The following WDR7 variants were observed in gnomAD, a reference collection of about 807,000 sequenced individuals.
WDR7 encodes WD repeat domain 7.
Under a neutral mutation model 169.4 loss-of-function variants are expected in WDR7, and 46 were observed. The observed-to-expected ratio is 0.27, with a 90% CI of 0.21 to 0.35. The LOEUF is 0.35. Ranked by LOEUF, WDR7 falls within the 10% of genes least tolerant of loss-of-function variation. The probability of loss-of-function intolerance (pLI) is 1.00; values close to 1 mark genes in which losing one functional copy is unlikely to be tolerated. For missense variants in WDR7, 1,534 were observed against 1,859.3 expected (o/e 0.83, Z 3.22); for synonymous variants, 612 against 666.8 (o/e 0.92, Z 1.27).
intron 14 of WDR7, among the ~76,000 whole-genome samples, chr18:56,732,446 T>G (rs921328500): frequency 1.1e-4 from 16 of 152,192 alleles, no homozygotes; most frequent in African/African-American, 3.9e-4. Flanking sequence ...TTCATTTTTT[T>G]AAATGGTTAG....
chr18:56,943,538 TG>T (rs2047060992), intron 25 of WDR7, among the ~76,000 whole-genome samples: 1 of 152,166 alleles, frequency 6.6e-6, no homozygotes, highest in South Asian at 2.1e-4. Context: ...GCTTATGATT[TG>T]GGTATTCACA....
chr18:56,904,195 G>A (rs957268909), intron 21 of WDR7, among the ~76,000 whole-genome samples: 2 of 151,650 alleles, frequency 1.3e-5, no homozygotes, highest in Non-Finnish European at 2.9e-5. Context: ...TCAGCCTCCC[G>A]AGTAGCTGGG....
chr18:56,668,530 T>C (rs1425016993), intron 1 of WDR7, among the ~76,000 whole-genome samples: 1 of 152,206 alleles, frequency 6.6e-6, no homozygotes, highest in Admixed American at 6.5e-5. Context: ...TTGTGTCTAT[T>C]TTATTTATTA....
chr18:56,714,177 A>G (rs1473552881), intron 12 of WDR7, among the ~76,000 whole-genome samples: 2 of 152,196 alleles, frequency 1.3e-5, no homozygotes, highest in Admixed American at 1.3e-4. Context: ...TTTTCTTTAT[A>G]TGAGTTGGAC....
intron 7 of WDR7, among the ~76,000 whole-genome samples, chr18:56,687,679 T>C (rs1375617613): frequency 1.3e-5 from 2 of 152,132 alleles, no homozygotes; most frequent in African/African-American, 4.8e-5. Flanking sequence ...CAGGCTGGAG[T>C]GCAATGGCAC....
At chr18:56,674,983 A>G (rs2144536551) in intron 2 of WDR7, among the ~76,000 whole-genome samples, 1 of 152,256 alleles carries the variant, frequency 6.6e-6, no homozygotes, top group South Asian at 2.1e-4. Context: ...TTGACCATAA[A>G]TGTCATGGGT....
At chr18:56,963,333 T>G (rs2047362084) in intron 26 of WDR7, among the ~76,000 whole-genome samples, 1 of 152,220 alleles carries the variant, frequency 6.6e-6, no homozygotes, top group Admixed American at 6.5e-5. Flanking sequence ...TTTATTAATG[T>G]GGATATATTC....
At chr18:56,691,861 A>G in intron 9 of WDR7, 44 bp downstream of exon 9, 1 of 1,471,428 alleles carries the variant, frequency 6.8e-7, no homozygotes, top group Middle Eastern at 2.3e-4. Context: ...GTTACATTGA[A>G]AAACTTCTAC....
At chr18:56,700,704 G>A (rs1309254414) in intron 12 of WDR7, among the ~76,000 whole-genome samples, 1 of 149,942 alleles carries the variant, frequency 6.7e-6, no homozygotes, top group Non-Finnish European at 1.5e-5. Flanking sequence ...CGAGTAGCTG[G>A]GACTACAGGC....
At chr18:56,945,147 T>C (rs2047086304) in intron 25 of WDR7, among the ~76,000 whole-genome samples, 1 of 151,998 alleles carries the variant, frequency 6.6e-6, no homozygotes, top group South Asian at 2.1e-4. Context: ...AATGTAAAAA[T>C]AGTGAGGAAA....
intron 14 of WDR7, among the ~76,000 whole-genome samples, chr18:56,743,447 C>T (rs2043649889): frequency 6.6e-6 from 1 of 152,008 alleles, no homozygotes; most frequent in South Asian, 2.1e-4. Flanking sequence ...GTGAGGAGAG[C>T]CAGGAGAATG....
chr18:56,791,356 C>T (rs2044482334), intron 19 of WDR7, among the ~76,000 whole-genome samples: 1 of 152,058 alleles, frequency 6.6e-6, no homozygotes, highest in African/African-American at 2.4e-5. Flanking sequence ...TAAACATTTT[C>T]AGATAAGTTC....
At chr18:56,872,435 T>A (rs574466975) in intron 20 of WDR7, among the ~76,000 whole-genome samples, 1 of 152,314 alleles carries the variant, frequency 6.6e-6, no homozygotes, top group South Asian at 2.1e-4. Flanking sequence ...AGTTAAGCTG[T>A]AAGTAAAGTG....
Position 56,942,165 on chromosome 18 carries a change from C to G in WDR7, c.4064+2772C>G, listed in dbSNP as rs531694809. The stretch of plus-strand genomic sequence containing the variant: ...ATAGAAGGCATGGTGCGTTTAAGGA[C>G]CGGGTATGGGGAGGGAGAGGGATGT... On this transcript the variant is annotated intron_variant, in intron 25 of 27. Transcript: ENST00000254442. Among the ~76,000 whole-genome samples, 4 of 152,202 alleles carry G rather than the reference C, an allele frequency of 2.6e-5. No individual in the cohort carries two copies. In the East Asian group the frequency reaches 7.7e-4, roughly 29 times the overall value.
intron 5 of WDR7, among the ~76,000 whole-genome samples, chr18:56,683,481 T>C (rs540193248): frequency 1.3e-5 from 2 of 152,314 alleles, no homozygotes; most frequent in South Asian, 4.1e-4. Flanking sequence ...TACTTTCAAA[T>C]GGCTTCATAG....
intron 21 of WDR7, among the ~76,000 whole-genome samples, chr18:56,906,009 T>G (rs573312614): frequency 6.7e-6 from 1 of 149,602 alleles, no homozygotes; most frequent in Non-Finnish European, 1.5e-5. Context: ...AGCCAATAAA[T>G]GAAGAAGGAA....
chr18:56,903,978 C>T (rs372486720), intron 21 of WDR7, among the ~76,000 whole-genome samples: 8 of 151,932 alleles, frequency 5.3e-5, no homozygotes, highest in East Asian at 1.9e-4. Flanking sequence ...CTTTAAAGTG[C>T]GGTTAATGCA....
At chr18:56,983,693 C>T (rs756078650) in intron 26 of WDR7, among the ~76,000 whole-genome samples, 1 of 152,044 alleles carries the variant, frequency 6.6e-6, no homozygotes, top group Middle Eastern at 3.4e-3. Flanking sequence ...AAATGTGTCC[C>T]CAGAATAAGT....
intron 14 of WDR7, among the ~76,000 whole-genome samples, chr18:56,743,247 T>C (rs2043647544): frequency 6.6e-6 from 1 of 152,152 alleles, no homozygotes; most frequent in African/African-American, 2.4e-5. Flanking sequence ...TTATGGGACA[T>C]CTATGTTGTG....
Sources: allele counts gnomAD v4.1 joint callset (sites outside exome capture counted in the v4.1 genomes callset), GRCh38; gene constraint gnomAD v4.1.1; transcripts MANE v1.5; gene names NCBI Gene and HGNC (gene_info 2026-07-23, HGNC 2026-07-21).